The following H2BC18 variants were observed in gnomAD, a reference collection of about 807,000 sequenced individuals.
H2BC18 encodes the protein histone H2B type 2-F.
H2BC18 carries 8 observed loss-of-function variants against 6.3 expected under a neutral mutation model. The ratio of observed to expected loss-of-function variants is 1.28; its 90% CI spans 0.75 to 2.31. The LOEUF is 2.31. H2BC18 is among the 30% of genes most tolerant of loss of function. The pLI, the probability that H2BC18 is intolerant of heterozygous loss-of-function variation, is 0.00. For synonymous variants in H2BC18, 104 were observed against 78.1 expected (o/e 1.33, Z -1.75); for missense variants, 106 against 174.5 (o/e 0.61, Z 2.21).
chr1:149,794,308 A>G lies in H2BC18; in HGVS notation c.378-11048T>C, dbSNP rs587632024. Among the ~76,000 whole-genome samples the G allele has an allele frequency of 5.4e-3, 816 of 151,954 alleles. 30 individuals carry two copies. Among genetic ancestry groups the G allele is most frequent in the African/African-American group, 0.019 (773 of 41,210 alleles). ...TAGATTTTGGGTCAAAGCAATAAAT[A>G]TTCCATTGACAGAATTGAGACAGCA... On this transcript the variant is annotated intron_variant, in intron 1 of 1. Coordinates refer to the H2BC18 transcript ENST00000545683.
intron 1 of H2BC18, among the ~76,000 whole-genome samples, chr1:149,797,511 G>A (rs1271850860): frequency 6.6e-6 from 1 of 152,050 alleles, no homozygotes; most frequent in African/African-American, 2.4e-5. Context: ...CATTTTGGTG[G>A]AATAGGAAGG....
intron 1 of H2BC18, among the ~76,000 whole-genome samples, chr1:149,798,703 C>A (rs2091827733): frequency 6.6e-6 from 1 of 152,006 alleles, no homozygotes; most frequent in Non-Finnish European, 1.5e-5. Context: ...CCTTGACCTC[C>A]TAGGCTCAAG....
At position 149,794,360 on chromosome 1, in the gene H2BC18, G is replaced by GC. The variant is rs587623910; in HGVS notation, c.378-11101dup. On this transcript the variant is annotated intron_variant, in intron 1 of 1. Transcript: ENST00000545683. Reference sequence around the variant, plus strand: ...GTTGGTGGAGGAGGGGAACGGGGTAGCAAGAAGCGAATGTTTCATATTGGA... The same window carrying GC: ...GTTGGTGGAGGAGGGGAACGGGGTAGCCAAGAAGCGAATGTTTCATATTGGA... 4.6e-5 allele frequency among the ~76,000 whole-genome samples: 7 copies of GC among 151,704 alleles called. No homozygotes were observed. The South Asian group carries it at 1.2e-3, about 27-fold the overall frequency.
downstream of H2BC18, among the ~76,000 whole-genome samples, chr1:149,808,590 C>A (rs190569887): frequency 1.9e-4 from 29 of 152,188 alleles, 1 homozygote; most frequent in East Asian, 5.4e-3. Flanking sequence ...AATATTACAA[C>A]CTGGCTGAGG....
At chr1:149,807,535 G>A (rs587621924), downstream of H2BC18, among the ~76,000 whole-genome samples, 1 of 132,068 alleles carries the variant, frequency 7.6e-6, no homozygotes, top group Non-Finnish European at 1.6e-5. Flanking sequence ...GGCGGGCATG[G>A]TGGTACACAC....
Position 149,812,117 on chromosome 1 carries a change from G to A in H2BC18, c.207C>T (p.Asp69=), listed in dbSNP as rs1342478103. 3 of 1,614,268 alleles carry A rather than the reference G, an allele frequency of 1.9e-6. No homozygotes were observed. The highest frequency in any genetic ancestry group is 2.5e-6 in the Non-Finnish European group (3 of 1,180,052). The change falls in exon 1 of 1, where the codon GAC becomes GAT. Residue 69 remains aspartate, a synonymous_variant. Transcript: ENST00000369167. ...CCTCTCCCGCGATGCGCTCGAAGATGTCGTTGACGAAGGAGTTCATGATGC... is the reference window on the plus strand; with the variant it reads ...CCTCTCCCGCGATGCGCTCGAAGATATCGTTGACGAAGGAGTTCATGATGC... The part of the protein sequence containing the change: ...AMGIMNSFVN[D]IFERIAGEAS...
In H2BC18 at chr1:149,789,712, C is replaced by T. The variant is rs1471286698; in HGVS notation, c.378-6452G>A. 7.2e-5 allele frequency among the ~76,000 whole-genome samples: 11 copies of T among 152,252 alleles called. 3 individuals carry two copies. The highest frequency in any genetic ancestry group is 5.2e-4 in the Admixed American group (8 of 15,304). Reference sequence around the variant, plus strand: ...AACATGAACCCTATTGTGAATTGTGCGTGCCTGATGATCTGAGGTGGAACA... The same window carrying T: ...AACATGAACCCTATTGTGAATTGTGTGTGCCTGATGATCTGAGGTGGAACA... On this transcript the variant is annotated intron_variant, in intron 1 of 1. Transcript: ENST00000545683.
At chr1:149,784,806 C>T (rs1264395435) in intron 1 of H2BC18, among the ~76,000 whole-genome samples, 4 of 151,114 alleles carry the variant, frequency 2.6e-5, no homozygotes, top group Admixed American at 1.3e-4. Context: ...CTTAAAATAC[C>T]TTAAAGTTCT....
At chr1:149,791,558 G>A (rs2091713941) in intron 1 of H2BC18, 2 of 1,609,142 alleles carry the variant, frequency 1.2e-6, no homozygotes, top group South Asian at 1.1e-5. Context: ...ACCGTCCCCT[G>A]CCCACTTGCT....
At chr1:149,800,123 C>T (rs1161216631) in intron 1 of H2BC18, among the ~76,000 whole-genome samples, 1 of 151,934 alleles carries the variant, frequency 6.6e-6, no homozygotes, top group Non-Finnish European at 1.5e-5. Flanking sequence ...TAGAGCAGTT[C>T]ATGAAACTCA....
chr1:149,793,836 G>C (rs1296784994), intron 1 of H2BC18: 85 of 1,236,762 alleles, frequency 6.9e-5, no homozygotes, highest in Non-Finnish European at 8.1e-5. Flanking sequence ...TTCCTAGCCT[G>C]AGAAGTAATC....
At chr1:149,809,158 C>T (rs1357740467), downstream of H2BC18, among the ~76,000 whole-genome samples, 1 of 117,558 alleles carries the variant, frequency 8.5e-6, no homozygotes, top group African/African-American at 3.3e-5. Context: ...ATATTTAAAG[C>T]CCCTTATCCT....
chr1:149,802,706 C>A (rs1190275275), intron 1 of H2BC18, among the ~76,000 whole-genome samples: 7 of 152,152 alleles, frequency 4.6e-5, no homozygotes, highest in Admixed American at 4.6e-4. Context: ...AGTAGGGAAG[C>A]CCACAGTGCA....
intron 1 of H2BC18, among the ~76,000 whole-genome samples, chr1:149,790,568 A>G (rs587669826): frequency 6.9e-6 from 1 of 145,928 alleles, no homozygotes; most frequent in African/African-American, 2.5e-5. Context: ...TCCTTCCTCC[A>G]TTTCTTTCCT....
chr1:149,798,618 TAAAAAA>T (rs60311651), intron 1 of H2BC18, among the ~76,000 whole-genome samples: 2 of 139,634 alleles, frequency 1.4e-5, no homozygotes, highest in South Asian at 2.3e-4. Context: ...AAACCGACTT[TAAAAAA>T]AAAAAAAAAA....
At chr1:149,790,431 A>G in intron 1 of H2BC18, 1 of 1,543,916 alleles carries the variant, frequency 6.5e-7, no homozygotes, top group Non-Finnish European at 8.7e-7. Flanking sequence ...TTTGGCCCAG[A>G]CAGGAGGGGA....
At chr1:149,786,650 G>A (rs1435326094) in intron 1 of H2BC18, 2 of 151,944 alleles carry the variant, frequency 1.3e-5, no homozygotes, top group East Asian at 3.9e-4. Flanking sequence ...TGAAGGTAGG[G>A]GAATGATTGT....
At chr1:149,785,409 T>G (rs1425491965) in intron 1 of H2BC18, among the ~76,000 whole-genome samples, 3 of 73,010 alleles carry the variant, frequency 4.1e-5, no homozygotes, top group South Asian at 3.9e-4. Flanking sequence ...AGCTGTTTCG[T>G]TTTTTTTTTT....
At chr1:149,789,367 T>G (rs1297010190) in intron 1 of H2BC18, among the ~76,000 whole-genome samples, 1 of 151,134 alleles carries the variant, frequency 6.6e-6, no homozygotes, top group African/African-American at 2.4e-5. Context: ...CACTCCAGCC[T>G]GGGCAACAGA....
Sources: allele counts gnomAD v4.1 joint callset (sites outside exome capture counted in the v4.1 genomes callset), GRCh38; gene constraint gnomAD v4.1.1; transcripts MANE v1.5; gene names NCBI Gene and HGNC (gene_info 2026-07-23, HGNC 2026-07-21).